The following SAMD5 variants were observed in gnomAD, a reference collection of about 807,000 sequenced individuals.
SAMD5 encodes sterile alpha motif domain-containing protein 5.
In SAMD5, 13 loss-of-function variants were observed where a neutral mutation model predicts 11.3. That is an observed-to-expected ratio of 1.15 (90% CI 0.75 to 1.83). SAMD5 has a LOEUF of 1.83. Ranked by LOEUF, SAMD5 falls within the 40% of genes most tolerant of loss-of-function variation. The probability of loss-of-function intolerance (pLI) is 0.00; values close to 1 mark genes in which losing one functional copy is unlikely to be tolerated. For missense variants in SAMD5, 255 were observed against 239.1 expected (o/e 1.07, Z -0.44); for synonymous variants, 129 against 111.3 (o/e 1.16, Z -1.00).
chr6:147,855,483 T>C, the SAMD5 span, among the ~76,000 whole-genome samples: 1 of 152,164 alleles, frequency 6.6e-6, no homozygotes, highest in African/African-American at 2.4e-5. Flanking sequence ...TGAAATTATA[T>C]CCCTTGCCAG....
At chr6:147,746,915 C>T in the SAMD5 span, among the ~76,000 whole-genome samples, 4 of 152,164 alleles carry the variant, frequency 2.6e-5, no homozygotes, top group African/African-American at 9.7e-5. Flanking sequence ...AGGTCATGGG[C>T]TGCAACACAT....
intron 1 of SAMD5, among the ~76,000 whole-genome samples, chr6:147,666,245 A>C (rs1424720069): frequency 1.3e-5 from 2 of 152,098 alleles, no homozygotes; most frequent in Admixed American, 1.3e-4. Flanking sequence ...CCGTTTTTTA[A>C]AATTTTTACT....
At chr6:147,894,400 T>C in the SAMD5 span, among the ~76,000 whole-genome samples, 2 of 152,032 alleles carry the variant, frequency 1.3e-5, no homozygotes, top group South Asian at 2.1e-4. Flanking sequence ...GGGATTACAG[T>C]TGTGAGCCAC....
At chr6:147,615,653 A>G (rs1043772627) in intron 1 of SAMD5, among the ~76,000 whole-genome samples, 2 of 152,208 alleles carry the variant, frequency 1.3e-5, no homozygotes, top group Admixed American at 1.3e-4. Context: ...ATGGCTGAAG[A>G]ATTTGCCATG....
At chr6:147,641,093 T>C (rs1790305888) in intron 1 of SAMD5, among the ~76,000 whole-genome samples, 1 of 152,208 alleles carries the variant, frequency 6.6e-6, no homozygotes. Context: ...GGATAGTGAT[T>C]GCTTTGTTGA....
chr6:147,737,370 T>C, exon 2 of SAMD5: 1 of 1,262,252 alleles, frequency 7.9e-7, no homozygotes, highest in Non-Finnish European at 1.0e-6. Flanking sequence ...TTATTGGAGC[T>C]GTGAATTTAA....
chr6:147,622,095 T>C (rs1789979585), intron 1 of SAMD5, among the ~76,000 whole-genome samples: 1 of 152,200 alleles, frequency 6.6e-6, no homozygotes, highest in Non-Finnish European at 1.5e-5. Flanking sequence ...TCTCACCAGC[T>C]GGAGCCTGAC....
the SAMD5 span, among the ~76,000 whole-genome samples, chr6:147,780,144 A>G: frequency 2.1e-3 from 319 of 152,154 alleles, 1 homozygote; most frequent in African/African-American, 7.3e-3. Flanking sequence ...TATTTTTCTT[A>G]GATCACAGTA....
chr6:147,620,022 A>T (rs1167095417), intron 1 of SAMD5, among the ~76,000 whole-genome samples: 1 of 152,218 alleles, frequency 6.6e-6, no homozygotes, highest in Non-Finnish European at 1.5e-5. Flanking sequence ...GTGAAATATA[A>T]TGTTTTTAAT....
intron 1 of SAMD5, among the ~76,000 whole-genome samples, chr6:147,683,881 C>G (rs1036317217): frequency 5.3e-5 from 8 of 152,172 alleles, no homozygotes; most frequent in Admixed American, 5.2e-4. Context: ...TACTCCTAGG[C>G]TAATGCTTTA....
chr6:147,557,102 AT>A (rs1365592344), intron 1 of SAMD5, among the ~76,000 whole-genome samples: 1 of 152,326 alleles, frequency 6.6e-6, no homozygotes, highest in African/African-American at 2.4e-5. Flanking sequence ...AACAAATCAT[AT>A]TTTTCATACA....
chr6:147,948,875 G>A, the SAMD5 span, among the ~76,000 whole-genome samples: 36 of 152,024 alleles, frequency 2.4e-4, no homozygotes, highest in African/African-American at 7.7e-4. Flanking sequence ...TTCAAAAGAC[G>A]CAGACATTGC....
the SAMD5 span, among the ~76,000 whole-genome samples, chr6:147,872,162 G>A: frequency 3.3e-4 from 51 of 152,272 alleles, no homozygotes; most frequent in Middle Eastern, 6.8e-3. Flanking sequence ...CTGGAGTGCA[G>A]TTGCACAATC....
chr6:147,823,710 T>A, the SAMD5 span, among the ~76,000 whole-genome samples: 1 of 152,212 alleles, frequency 6.6e-6, no homozygotes, highest in East Asian at 1.9e-4. Flanking sequence ...GAGAAACAGA[T>A]GTAAGCTAAA....
At chr6:147,719,756 G>C (rs2128459130) in intron 1 of SAMD5, among the ~76,000 whole-genome samples, 1 of 152,270 alleles carries the variant, frequency 6.6e-6, no homozygotes, top group South Asian at 2.1e-4. Flanking sequence ...CAAAGGTGAA[G>C]ACAGATTTTT....
chr6:147,675,698 G>T (rs545928812), intron 1 of SAMD5, among the ~76,000 whole-genome samples: 14 of 152,274 alleles, frequency 9.2e-5, no homozygotes, highest in Admixed American at 8.5e-4. Flanking sequence ...TGTGGCCATT[G>T]ATTGGTCCAG....
chr6:147,909,618 T>TCTCTC, the SAMD5 span, among the ~76,000 whole-genome samples: 1 of 76,418 alleles, frequency 1.3e-5, no homozygotes. Context: ...CTTTCTTTCT[T>TCTCTC]TCTTTCTTTC....
the SAMD5 span, among the ~76,000 whole-genome samples, chr6:147,745,777 C>CT: frequency 0.044 from 5,806 of 133,196 alleles, 177 homozygotes; most frequent in Non-Finnish European, 0.067. Context: ...TTCTTTCTTT[C>CT]TTTTTTTTTT....
At chr6:147,936,482 G>T in the SAMD5 span, among the ~76,000 whole-genome samples, 1 of 151,910 alleles carries the variant, frequency 6.6e-6, no homozygotes, top group African/African-American at 2.4e-5. Context: ...ACTTTTAAAT[G>T]ACCAGATCTT....
Sources: gnomAD v4.1 joint callset for allele counts (sites outside exome capture counted in the v4.1 genomes callset) on GRCh38, gnomAD v4.1.1 for gene constraint, MANE v1.5 for transcripts, NCBI Gene and HGNC (gene_info 2026-07-23, HGNC 2026-07-21) for gene names.